The following TAFA1 variants were observed in gnomAD, a reference collection of about 807,000 sequenced individuals.
TAFA1 encodes the protein TAFA chemokine like family member 1.
TAFA1 carries 4 observed loss-of-function variants against 18.5 expected under a neutral mutation model. That is an observed-to-expected ratio of 0.22 (90% confidence interval 0.11 to 0.49). The LOEUF is 0.49. Among genes scored for constraint, TAFA1 ranks in the 20% least tolerant of loss-of-function variants. The probability of loss-of-function intolerance (pLI) is 0.98; values close to 1 mark genes in which losing one functional copy is unlikely to be tolerated. For missense variants in TAFA1, 147 were observed against 169.0 expected (o/e 0.87, Z 0.72); for synonymous variants, 56 against 55.2 (o/e 1.01, Z -0.06).
rs533133367 is a variant in TAFA1 at position 68,087,867 on chromosome 3, T to G, written c.118+81123T>G. On this transcript the variant is annotated intron_variant, in intron 2 of 4. Transcript: ENST00000478136. ...TGGAATTTTTATATTTAAAAAATTT[T>G]TTTCTACTATAGGCATTTCTGTATA... Among the ~76,000 whole-genome samples, 123 of 152,244 alleles carry G rather than the reference T, an allele frequency of 8.1e-4. 1 individual carries two copies. The highest frequency in any genetic ancestry group is 2.9e-3 in the African/African-American group (119 of 41,568).
chr3:68,535,323 A>G (rs957950742), intron 3 of TAFA1, among the ~76,000 whole-genome samples: 21 of 152,000 alleles, frequency 1.4e-4, no homozygotes, highest in African/African-American at 4.8e-4. Flanking sequence ...TTTACCCATG[A>G]CAAGAATCTT....
chr3:68,246,379 A>C (rs1479490737), intron 2 of TAFA1, among the ~76,000 whole-genome samples: 2 of 151,964 alleles, frequency 1.3e-5, no homozygotes, highest in Non-Finnish European at 2.9e-5. Context: ...TCACAAAGTC[A>C]GGAGATGGAG....
intron 2 of TAFA1, among the ~76,000 whole-genome samples, chr3:68,150,373 C>G (rs1362383731): frequency 6.6e-6 from 1 of 152,204 alleles, no homozygotes; most frequent in Non-Finnish European, 1.5e-5. Context: ...GAAGAACATG[C>G]TCAAATTCCC....
At chr3:68,029,820 T>A (rs1704892602) in intron 2 of TAFA1, among the ~76,000 whole-genome samples, 1 of 152,224 alleles carries the variant, frequency 6.6e-6, no homozygotes, top group Non-Finnish European at 1.5e-5. Context: ...AAAATCAACA[T>A]GGTCTCAACC....
chr3:68,193,824 A>G (rs1326020803), intron 2 of TAFA1, among the ~76,000 whole-genome samples: 1 of 151,640 alleles, frequency 6.6e-6, no homozygotes, highest in African/African-American at 2.4e-5. Context: ...CCGCCCTAAT[A>G]CTGTGTAACA....
At chr3:68,218,919 A>G (rs892817021) in intron 2 of TAFA1, among the ~76,000 whole-genome samples, 3 of 152,038 alleles carry the variant, frequency 2.0e-5, no homozygotes, top group East Asian at 1.9e-4. Context: ...ACTTCATTTC[A>G]TCTTAGCTCT....
At chr3:68,310,440 C>G (rs553415226) in intron 2 of TAFA1, among the ~76,000 whole-genome samples, 13 of 152,188 alleles carry the variant, frequency 8.5e-5, no homozygotes, top group Admixed American at 8.5e-4. Context: ...TCTAAGAAAA[C>G]TATGTATAAG....
At chr3:68,075,310 T>C (rs770995460) in intron 2 of TAFA1, among the ~76,000 whole-genome samples, 14 of 152,186 alleles carry the variant, frequency 9.2e-5, no homozygotes, top group Non-Finnish European at 2.1e-4. Flanking sequence ...TAATAGACTA[T>C]TTGTGACCTT....
intron 2 of TAFA1, among the ~76,000 whole-genome samples, chr3:68,363,456 C>T (rs1018151999): frequency 1.3e-5 from 2 of 152,070 alleles, no homozygotes; most frequent in Admixed American, 6.6e-5. Context: ...GATGAAAACA[C>T]CAATGTTCAA....
intron 2 of TAFA1, among the ~76,000 whole-genome samples, chr3:68,074,177 C>T (rs150108867): frequency 4.3e-4 from 66 of 152,214 alleles, no homozygotes; most frequent in Non-Finnish European, 8.7e-4. Context: ...GTTCTTGCTC[C>T]TATGAGAATT....
chr3:68,159,634 C>A (rs2065902592), intron 2 of TAFA1, among the ~76,000 whole-genome samples: 1 of 152,072 alleles, frequency 6.6e-6, no homozygotes, highest in Non-Finnish European at 1.5e-5. Context: ...TCCTACAGGG[C>A]AAATTCCAGA....
At chr3:68,306,847 C>T (rs1322157371) in intron 2 of TAFA1, among the ~76,000 whole-genome samples, 5 of 152,168 alleles carry the variant, frequency 3.3e-5, no homozygotes, top group Non-Finnish European at 5.9e-5. Context: ...TACCATGTTT[C>T]CCCTGAGACC....
At chr3:68,333,398 T>C (rs1451186560) in intron 2 of TAFA1, among the ~76,000 whole-genome samples, 1 of 152,058 alleles carries the variant, frequency 6.6e-6, no homozygotes, top group Non-Finnish European at 1.5e-5. Flanking sequence ...GAAAACCAAA[T>C]ATTACATGTT....
At position 68,486,973 on chromosome 3, in the gene TAFA1, C is replaced by T. The variant is rs563173956; in HGVS notation, c.260-51783C>T. Among the ~76,000 whole-genome samples, 4 of 152,086 alleles carry T rather than the reference C, an allele frequency of 2.6e-5. No individual in the cohort carries two copies. In the East Asian group the frequency reaches 7.7e-4, roughly 29 times the overall value. On this transcript the variant is annotated intron_variant, in intron 3 of 4. Transcript: ENST00000478136. ...ATGTTTCATTGCCAGTAAGTTTTGA[C>T]AACAAAATAAAGATAAAATGAAATC...
chr3:68,454,759 G>T (rs894307450), intron 3 of TAFA1, among the ~76,000 whole-genome samples: 4 of 152,256 alleles, frequency 2.6e-5, no homozygotes, highest in African/African-American at 9.6e-5. Context: ...TACCAAAAAT[G>T]TTCACTTAAA....
intron 2 of TAFA1, among the ~76,000 whole-genome samples, chr3:68,089,452 T>A (rs1282581370): frequency 6.6e-6 from 1 of 152,200 alleles, no homozygotes; most frequent in African/African-American, 2.4e-5. Context: ...GAACACTCTT[T>A]AAATCTAATT....
At chr3:68,311,166 A>C (rs1362009549) in intron 2 of TAFA1, among the ~76,000 whole-genome samples, 1 of 152,048 alleles carries the variant, frequency 6.6e-6, no homozygotes, top group Non-Finnish European at 1.5e-5. Context: ...CACAGGAGAG[A>C]CCTACTCCCC....
rs555939698 is a variant in TAFA1 at position 68,530,093 on chromosome 3, T to C, written c.260-8663T>C. ...ACTGTCATCTTTGAGGACAGGACTA[T>C]GTCATGTTCTTTATTTTATCACTCT... On this transcript the variant is annotated intron_variant, in intron 3 of 4. Transcript: ENST00000478136. 2.6e-5 allele frequency among the ~76,000 whole-genome samples: 4 copies of C among 152,334 alleles called. No individual in the cohort carries two copies. In the South Asian group the frequency reaches 6.2e-4, roughly 24 times the overall value.
At chr3:68,158,344 G>T (rs1253230113) in intron 2 of TAFA1, among the ~76,000 whole-genome samples, 2 of 152,056 alleles carry the variant, frequency 1.3e-5, no homozygotes, top group African/African-American at 4.8e-5. Context: ...CAATGAATGT[G>T]TGCAGCATAC....
Sources: gnomAD v4.1 joint callset for allele counts (sites outside exome capture counted in the v4.1 genomes callset) on GRCh38, gnomAD v4.1.1 for gene constraint, MANE v1.5 for transcripts, NCBI Gene and HGNC (gene_info 2026-07-23, HGNC 2026-07-21) for gene names.